DNAH12: variants seen among roughly 807,000 people sequenced by gnomAD.
DNAH12 encodes the protein dynein axonemal heavy chain 12.
In DNAH12, 285 loss-of-function variants were observed where a neutral mutation model predicts 371.5. The observed-to-expected ratio is 0.77, with a 90% CI of 0.70 to 0.85. DNAH12 has a LOEUF of 0.85. Among genes scored for constraint, DNAH12 ranks in the 40% least tolerant of loss-of-function variants. The probability of loss-of-function intolerance (pLI) is 0.00; values close to 1 mark genes in which losing one functional copy is unlikely to be tolerated. For missense variants in DNAH12, 3,611 were observed against 3,689.4 expected (o/e 0.98, Z 0.55); for synonymous variants, 1,200 against 1,213.0 (o/e 0.99, Z 0.22).
chr3:57,497,125 A>T (rs1177469632), intron 11 of DNAH12, among the ~76,000 whole-genome samples: 3 of 152,230 alleles, frequency 2.0e-5, no homozygotes, highest in Non-Finnish European at 4.4e-5. Flanking sequence ...AATACACACT[A>T]TGGTCATGTA....
intron 69 of DNAH12, among the ~76,000 whole-genome samples, chr3:57,306,707 T>C (rs1314485745): frequency 2.0e-5 from 3 of 152,120 alleles, no homozygotes; most frequent in African/African-American, 7.2e-5. Context: ...AGGATTAAAG[T>C]CTGTTATCAC....
chr3:57,483,858 A>T (rs944006952), intron 12 of DNAH12, among the ~76,000 whole-genome samples: 7 of 146,904 alleles, frequency 4.8e-5, no homozygotes, highest in African/African-American at 1.8e-4. Flanking sequence ...AAGCTGAGGC[A>T]GGAGGATCAC....
chr3:57,441,768 G>A (rs1026105962), intron 29 of DNAH12, among the ~76,000 whole-genome samples: 3 of 151,960 alleles, frequency 2.0e-5, no homozygotes, highest in Non-Finnish European at 1.5e-5. Context: ...CTCCAGCCTC[G>A]GCAAAAGTGA....
chr3:57,509,884 A>G (rs1277822072), intron 5 of DNAH12, among the ~76,000 whole-genome samples: 1 of 147,916 alleles, frequency 6.8e-6, no homozygotes, highest in Admixed American at 6.7e-5. Context: ...AAAAAAAAAA[A>G]AAAAAAGAAA....
rs2061570094 is a variant in DNAH12, at chr3:57,310,904, TAA to T, written c.10707_10708del (p.Tyr3570ProfsTer6). ...TCCATAATTACACTCCCCAGTCAGG[TAA>T]GATATAGCTTCAAATGGAATTGTAT... is the stretch of plus-strand genomic sequence containing the variant. On this transcript the variant is annotated frameshift_variant, in exon 67 of 74. Transcript: ENST00000495027. LOFTEE classifies it high-confidence loss of function. 3.9e-6 allele frequency: 6 copies of T among 1,551,554 alleles called. No individual in the cohort carries two copies. The highest frequency in any genetic ancestry group is 5.2e-6 in the Non-Finnish European group (6 of 1,146,884).
intron 44 of DNAH12, among the ~76,000 whole-genome samples, chr3:57,392,436 A>G (rs1490523602): frequency 1.3e-5 from 2 of 152,184 alleles, no homozygotes; most frequent in Non-Finnish European, 2.9e-5. Context: ...ATTTTATACA[A>G]CAGTTAAAAA....
chr3:57,517,914 C>A (rs144846282), intron 4 of DNAH12, among the ~76,000 whole-genome samples: 7 of 152,004 alleles, frequency 4.6e-5, no homozygotes, highest in South Asian at 2.1e-4. Flanking sequence ...ATTATCCAAG[C>A]GTGGTGCCTC....
chr3:57,435,373 C>CAA (rs34515598), intron 30 of DNAH12, among the ~76,000 whole-genome samples: 10 of 94,746 alleles, frequency 1.1e-4, no homozygotes, highest in East Asian at 9.9e-4. Context: ...CTCTGTCTCC[C>CAA]AAAAAAAAAA....
intron 70 of DNAH12, among the ~76,000 whole-genome samples, chr3:57,300,497 A>G (rs2061322967): frequency 6.6e-6 from 1 of 152,136 alleles, no homozygotes; most frequent in Non-Finnish European, 1.5e-5. Context: ...ATACAAAAGA[A>G]AAATGGGCCT....
intron 30 of DNAH12, among the ~76,000 whole-genome samples, chr3:57,435,697 CT>C (rs1173044294): frequency 6.6e-6 from 1 of 152,024 alleles, no homozygotes; most frequent in African/African-American, 2.4e-5. Context: ...TGGTGCGCAC[CT>C]GTAGTCCCAG....
Position 57,457,821 on chromosome 3 carries a change from A to G in DNAH12, c.3236T>C (p.Ile1079Thr). The change falls in exon 22 of 74, where the codon ATT becomes ACT. Residue 1079 changes from isoleucine to threonine, a missense_variant. Around this residue, in one of 3 missense-constraint regions of DNAH12, gnomAD observed 1,314 missense variants for 1,398.7 expected, o/e 0.94. Transcript: ENST00000495027. ...AGCACCCCGCGCTGCAGACGTGGAAATGAGTGCAATCAGCTCCACTCGCTC... is the reference window on the plus strand; with the variant it reads ...AGCACCCCGCGCTGCAGACGTGGAAGTGAGTGCAATCAGCTCCACTCGCTC... ...EGERVELIALISTSAARGAVE... is the reference protein window; with the variant it reads ...EGERVELIALTSTSAARGAVE... 1 of 1,551,652 alleles carries G rather than the reference A, an allele frequency of 6.4e-7. No homozygotes were observed. The highest frequency in any genetic ancestry group is 8.7e-7 in the Non-Finnish European group (1 of 1,146,986).
intron 11 of DNAH12, among the ~76,000 whole-genome samples, chr3:57,494,540 C>CAACA (rs2067243460): frequency 6.6e-6 from 1 of 151,096 alleles, no homozygotes; most frequent in Admixed American, 6.6e-5. Flanking sequence ...TTAGCCTGGG[C>CAACA]AACAGAGTGA....
intron 11 of DNAH12, 45 bp downstream of exon 11, chr3:57,501,276 C>CA: frequency 2.1e-6 from 3 of 1,441,380 alleles, no homozygotes; most frequent in South Asian, 2.4e-5. Flanking sequence ...CCTAATGTTA[C>CA]AAAAAAATTC....
At chr3:57,327,108 A>G (rs979973478) in intron 62 of DNAH12, among the ~76,000 whole-genome samples, 2 of 151,820 alleles carry the variant, frequency 1.3e-5, no homozygotes, top group Admixed American at 1.3e-4. Context: ...CACAATAATA[A>G]TGGGAGACTT....
rs554077225 is a variant in DNAH12 at position 57,452,894 on chromosome 3, G to A, written c.3735C>T (p.Asn1245=). The A allele has an allele frequency of 6.4e-6, 10 of 1,551,116 alleles. No homozygotes were observed. In the East Asian group the frequency reaches 2.0e-4, roughly 30 times the overall value. ...GAGGCGTAATGACAAGTCGAGGTGAGTTACCAAGATATTCATAAGCATATT... is the reference window on the plus strand; with the variant it reads ...GAGGCGTAATGACAAGTCGAGGTGAATTACCAAGATATTCATAAGCATATT... ...NVKYAYEYLG[N]SPRLVITPLT... Residue 1245 remains asparagine, a synonymous_variant, in exon 25 of 74, where the codon AAC becomes AAT. Transcript: ENST00000495027.
intron 60 of DNAH12, among the ~76,000 whole-genome samples, chr3:57,340,595 A>G (rs535787140): frequency 6.6e-6 from 1 of 152,344 alleles, no homozygotes; most frequent in South Asian, 2.1e-4. Flanking sequence ...ATCAAGATTG[A>G]ACCAAGGAGA....
chr3:57,440,255 T>C (rs2065262003), intron 29 of DNAH12, among the ~76,000 whole-genome samples: 2 of 152,312 alleles, frequency 1.3e-5, no homozygotes, highest in East Asian at 1.9e-4. Flanking sequence ...CTATTCACAA[T>C]AGCAAAGACA....
intron 5 of DNAH12, among the ~76,000 whole-genome samples, chr3:57,509,861 T>TA (rs902155403): frequency 0.029 from 1,366 of 46,526 alleles, 76 homozygotes; most frequent in African/African-American, 0.037. Context: ...GACTCCATCA[T>TA]AAAAAAAAAA....
At chr3:57,425,186 T>A in intron 34 of DNAH12, 45 bp from the exon 35 acceptor site, 1 of 676,018 alleles carries the variant, frequency 1.5e-6, no homozygotes, top group Non-Finnish European at 2.7e-6. Flanking sequence ...TCATCTTATT[T>A]AGAAAATAAG....
Sources: allele counts gnomAD v4.1 joint callset (sites outside exome capture counted in the v4.1 genomes callset), GRCh38; gene constraint gnomAD v4.1.1; regional missense constraint gnomAD v4.1.1; transcripts MANE v1.5; gene names NCBI Gene and HGNC (gene_info 2026-07-23, HGNC 2026-07-21).